LRRC8D: variants seen among roughly 807,000 people sequenced by gnomAD.
LRRC8D encodes volume-regulated anion channel subunit LRRC8D.
In LRRC8D, 20 loss-of-function variants were observed where a neutral mutation model predicts 55.8. That is an observed-to-expected ratio of 0.36 (90% CI 0.25 to 0.52). The LOEUF is 0.52. Among genes scored for constraint, LRRC8D ranks in the 20% least tolerant of loss-of-function variants. The pLI is 0.93. For missense variants in LRRC8D, 651 were observed against 1,030.8 expected, an observed-to-expected ratio of 0.63 and a Z score of 5.05; for synonymous variants, 352 against 377.0, an observed-to-expected ratio of 0.93 and a Z score of 0.77.
chr1:89,917,651 TC>T (rs1441062988), intron 2 of LRRC8D, among the ~76,000 whole-genome samples: 3 of 152,250 alleles, frequency 2.0e-5, no homozygotes, highest in African/African-American at 7.2e-5. Flanking sequence ...TCCTCCCTGA[TC>T]TTGCCAGCTG....
chr1:89,896,692 A>G (rs573196248), intron 2 of LRRC8D, among the ~76,000 whole-genome samples: 199 of 152,356 alleles, frequency 1.3e-3, no homozygotes, highest in African/African-American at 4.7e-3. Context: ...CCAGTCTAAG[A>G]GCGGGAAATC....
intron 2 of LRRC8D, among the ~76,000 whole-genome samples, chr1:89,858,357 G>A (rs61773294): frequency 0.083 from 12,577 of 152,260 alleles, 689 homozygotes; most frequent in Non-Finnish European, 0.12. Flanking sequence ...GTGAAGAGAT[G>A]ATAGCTAATG....
intron 2 of LRRC8D, among the ~76,000 whole-genome samples, chr1:89,914,366 G>A (rs1663206253): frequency 6.6e-6 from 1 of 152,210 alleles, no homozygotes; most frequent in South Asian, 2.1e-4. Context: ...GCAAGCTGAG[G>A]GAGTGGGCTC....
At chr1:89,867,803 T>C (rs547365707) in intron 2 of LRRC8D, among the ~76,000 whole-genome samples, 3 of 152,332 alleles carry the variant, frequency 2.0e-5, no homozygotes, top group East Asian at 3.8e-4. Flanking sequence ...AGACATTTAA[T>C]TAAAATGTTT....
intron 2 of LRRC8D, among the ~76,000 whole-genome samples, chr1:89,878,219 C>T (rs1662194915): frequency 6.6e-6 from 1 of 152,172 alleles, no homozygotes; most frequent in Non-Finnish European, 1.5e-5. Context: ...TGAAAATCTG[C>T]TTCTAAGTTT....
At chr1:89,906,178 T>TA (rs758450339) in intron 2 of LRRC8D, among the ~76,000 whole-genome samples, 10 of 152,264 alleles carry the variant, frequency 6.6e-5, no homozygotes, top group African/African-American at 2.4e-4. Context: ...CTTTTAGGCT[T>TA]AAAAAAATCC....
intron 2 of LRRC8D, among the ~76,000 whole-genome samples, chr1:89,874,136 A>G (rs927826711): frequency 1.3e-5 from 2 of 152,238 alleles, no homozygotes; most frequent in Admixed American, 1.3e-4. Flanking sequence ...AAGGGTTTGT[A>G]GGTACTTTGT....
chr1:89,918,505 A>G (rs1663331096), intron 2 of LRRC8D, among the ~76,000 whole-genome samples: 1 of 152,198 alleles, frequency 6.6e-6, no homozygotes, highest in African/African-American at 2.4e-5. Context: ...TCACTGTCTC[A>G]AGGGTCCTCC....
At chr1:89,932,804 T>G (rs965190328) in intron 2 of LRRC8D, among the ~76,000 whole-genome samples, 1 of 152,240 alleles carries the variant, frequency 6.6e-6, no homozygotes, top group African/African-American at 2.4e-5. Flanking sequence ...CAAGGTCCAC[T>G]AAGTAACCAC....
At chr1:89,876,549 C>T (rs918476448) in intron 2 of LRRC8D, among the ~76,000 whole-genome samples, 2 of 152,180 alleles carry the variant, frequency 1.3e-5, no homozygotes, top group Non-Finnish European at 2.9e-5. Context: ...TGATGGAATT[C>T]TTTCCCTGCC....
intron 2 of LRRC8D, among the ~76,000 whole-genome samples, chr1:89,895,621 C>T (rs1266410936): frequency 6.6e-6 from 1 of 152,100 alleles, no homozygotes; most frequent in African/African-American, 2.4e-5. Context: ...AAAATATCTT[C>T]AAGTTTCTAT....
At chr1:89,868,359 CG>C (rs1557459173) in intron 2 of LRRC8D, among the ~76,000 whole-genome samples, 2 of 152,066 alleles carry the variant, frequency 1.3e-5, no homozygotes, top group Non-Finnish European at 2.9e-5. Context: ...CTGCGCAAAC[CG>C]TCCCTGGGTT....
intron 2 of LRRC8D, among the ~76,000 whole-genome samples, chr1:89,855,721 T>C (rs1661535647): frequency 6.6e-6 from 1 of 152,232 alleles, no homozygotes; most frequent in African/African-American, 2.4e-5. Context: ...CACATAATTA[T>C]ATACTCTTCA....
intron 2 of LRRC8D, among the ~76,000 whole-genome samples, chr1:89,883,841 T>A (rs1233642163): frequency 6.6e-6 from 1 of 152,182 alleles, no homozygotes; most frequent in Non-Finnish European, 1.5e-5. Flanking sequence ...CAGATTCTGT[T>A]CAGCACTAGC....
At chr1:89,897,001 A>G (rs1468988372) in intron 2 of LRRC8D, among the ~76,000 whole-genome samples, 1 of 152,176 alleles carries the variant, frequency 6.6e-6, no homozygotes, top group Non-Finnish European at 1.5e-5. Context: ...GGGGGTGCTG[A>G]TTGATATTCA....
chr1:89,832,507 A>G (rs1305619021), intron 1 of LRRC8D, among the ~76,000 whole-genome samples: 4 of 152,336 alleles, frequency 2.6e-5, no homozygotes, highest in African/African-American at 7.2e-5. Context: ...GAATAAATTC[A>G]TTTTAAAATG....
At chr1:89,841,105 G>C (rs976218361) in intron 1 of LRRC8D, among the ~76,000 whole-genome samples, 1 of 152,218 alleles carries the variant, frequency 6.6e-6, no homozygotes, top group African/African-American at 2.4e-5. Context: ...AGAGTTGCCA[G>C]GACCACGGTA....
chr1:89,874,443 TTGTGTGTGTGTG>T (rs36202085), intron 2 of LRRC8D, among the ~76,000 whole-genome samples: 9 of 146,294 alleles, frequency 6.2e-5, no homozygotes, highest in South Asian at 4.5e-4. Context: ...AAGAAACTAT[TTGTGTGTGTGTG>T]TGTGTGTGTG....
At position 89,935,033 on chromosome 1, in the gene LRRC8D, C is replaced by T; in HGVS notation, c.1965C>T (p.Phe655=). 6.2e-7 allele frequency: 1 copy of T among 1,614,208 alleles called. No individual in the cohort carries two copies. Among genetic ancestry groups the T allele is most frequent in the Non-Finnish European group, 8.5e-7 (1 of 1,180,042 alleles). Residue 655 remains phenylalanine, a synonymous_variant, in exon 3 of 3, where the codon TTC becomes TTT. Transcript: ENST00000337338. ...TAGAGAGAATCCCACATGCTATTTT[C>T]AGCCTCTCTAATTTACAGGAACTGG... ...CELERIPHAI[F]SLSNLQELDL... is the part of the protein sequence containing the mutation.
Sources: gnomAD v4.1 joint callset for allele counts (sites outside exome capture counted in the v4.1 genomes callset) on GRCh38, gnomAD v4.1.1 for gene constraint, MANE v1.5 for transcripts, NCBI Gene and HGNC (gene_info 2026-07-23, HGNC 2026-07-21) for gene names.